BFSP1: variants seen among roughly 807,000 people sequenced by gnomAD.
BFSP1 encodes beaded filament structural protein 1.
Under a neutral mutation model 43.9 loss-of-function variants are expected in BFSP1, and 38 were observed. That is an observed-to-expected ratio of 0.87 (90% CI 0.67 to 1.14). The LOEUF is 1.14. Ranked by LOEUF, BFSP1 falls within the 50% of genes most tolerant of loss-of-function variation. The pLI, the probability that BFSP1 is intolerant of heterozygous loss-of-function variation, is 0.00. For synonymous variants in BFSP1, 352 were observed against 354.8 expected (o/e 0.99, Z 0.09); for missense variants, 850 against 875.1 (o/e 0.97, Z 0.36).
At chr20:17,531,820 C>CT (rs560470133), upstream of BFSP1, among the ~76,000 whole-genome samples, 535 of 148,782 alleles carry the variant, frequency 3.6e-3, 2 homozygotes, top group Middle Eastern at 7.1e-3. Flanking sequence ...TTAAGCAATT[C>CT]TTTTTTTTTT....
At chr20:17,527,903 T>C (rs936634210) in intron 1 of BFSP1, among the ~76,000 whole-genome samples, 12 of 152,212 alleles carry the variant, frequency 7.9e-5, no homozygotes, top group Admixed American at 2.6e-4. Context: ...TCTGTTGTTG[T>C]ATTTTGATAG....
upstream of BFSP1, among the ~76,000 whole-genome samples, chr20:17,562,077 C>T (rs904109157): frequency 3.3e-5 from 5 of 152,006 alleles, no homozygotes; most frequent in South Asian, 6.2e-4. Context: ...CACACTACCA[C>T]ATCTGGCTAA....
rs2033818009 is a variant in BFSP1 at position 17,502,121 on chromosome 20, T to C, written c.736-3081A>G. ...CTCCCAGTTCCTGGTTCCTGATTCCTGATGCACACCTGCTCTCAGATTTCA... is the reference window on the plus strand; with the variant it reads ...CTCCCAGTTCCTGGTTCCTGATTCCCGATGCACACCTGCTCTCAGATTTCA... On this transcript the variant is annotated intron_variant, in intron 5 of 7. Coordinates refer to ENST00000377873, the MANE Select transcript of BFSP1 (RefSeq NM_001195.5). Among the ~76,000 whole-genome samples the C allele has an allele frequency of 3.3e-5, 5 of 152,018 alleles. No individual in the cohort carries two copies. The South Asian group carries it at 1.0e-3, about 32-fold the overall frequency.
chr20:17,520,793 C>A (rs1000657041), intron 2 of BFSP1, among the ~76,000 whole-genome samples: 1 of 152,206 alleles, frequency 6.6e-6, no homozygotes, highest in African/African-American at 2.4e-5. Flanking sequence ...CAGAGGAATT[C>A]TTGGCATACA....
upstream of BFSP1, among the ~76,000 whole-genome samples, chr20:17,533,207 A>G (rs2034576348): frequency 6.6e-6 from 1 of 152,142 alleles, no homozygotes; most frequent in Non-Finnish European, 1.5e-5. Flanking sequence ...AAATAAAAAT[A>G]ATAAATAAAA....
chr20:17,501,947 G>C (rs1199108790), intron 5 of BFSP1, among the ~76,000 whole-genome samples: 3 of 152,232 alleles, frequency 2.0e-5, no homozygotes, highest in Non-Finnish European at 2.9e-5. Flanking sequence ...CTCTGGAGTG[G>C]CGAGCTTTCA....
intron 5 of BFSP1, among the ~76,000 whole-genome samples, chr20:17,503,732 C>T (rs932926071): frequency 3.3e-5 from 5 of 152,226 alleles, no homozygotes; most frequent in African/African-American, 7.2e-5. Flanking sequence ...CAAGCACACA[C>T]GTGCGTGCAC....
intron 1 of BFSP1, among the ~76,000 whole-genome samples, chr20:17,526,220 T>C (rs2034420825): frequency 6.9e-6 from 1 of 145,174 alleles, no homozygotes; most frequent in Non-Finnish European, 1.5e-5. Context: ...ATATAGTTTG[T>C]GATAGTAAAT....
rs761259481 is a variant in BFSP1 at position 17,498,996 on chromosome 20, A to C, written c.780T>G (p.Tyr260Ter). ...EQAIKSAHEC[Y>*]DDEIQLYNEQ... ...CGTTATAAAGCTGAATCTCATCGTC[A>C]TAACACTCATGGGCACTTTTAATAG... Residue 260 changes from tyrosine to a stop codon, truncating the protein, a stop_gained, in exon 6 of 8, where the codon TAT (tyrosine) becomes TAG (stop). Coordinates refer to ENST00000377873, the MANE Select transcript of BFSP1 (RefSeq NM_001195.5). LOFTEE classifies it high-confidence loss of function. 6.2e-7 allele frequency: 1 copy of C among 1,614,216 alleles called. No individual in the cohort carries two copies. The highest frequency in any genetic ancestry group is 8.5e-7 in the Non-Finnish European group (1 of 1,180,034).
chr20:17,547,392 C>T (rs879161012), intron 1 of BFSP1, among the ~76,000 whole-genome samples: 7 of 152,040 alleles, frequency 4.6e-5, no homozygotes, highest in South Asian at 2.1e-4. Context: ...TGAAATCTCT[C>T]GCTTACTGTT....
At chr20:17,548,537 C>T (rs1327687411) in intron 1 of BFSP1, among the ~76,000 whole-genome samples, 1 of 152,136 alleles carries the variant, frequency 6.6e-6, no homozygotes, top group African/African-American at 2.4e-5. Flanking sequence ...CTCTGGAGGT[C>T]CCAAGATAAC....
At chr20:17,531,503 G>A, upstream of BFSP1, 1 of 968,594 alleles carries the variant, frequency 1.0e-6, no homozygotes, top group Non-Finnish European at 1.3e-6. Context: ...GAAGAAAAGA[G>A]CAGCGGCCCG....
intron 1 of BFSP1, among the ~76,000 whole-genome samples, chr20:17,552,691 C>T (rs2034915089): frequency 1.3e-5 from 2 of 151,968 alleles, no homozygotes; most frequent in East Asian, 1.9e-4. Context: ...AGGGTAGAAC[C>T]AACAGAATGT....
chr20:17,497,063 CA>C (rs1428875202), intron 6 of BFSP1, 40 bp from the exon 7 acceptor site: 31 of 1,434,446 alleles, frequency 2.2e-5, no homozygotes, highest in Admixed American at 5.5e-5. Flanking sequence ...AAACAGAGGT[CA>C]GGGGCAAGAG....
chr20:17,520,235 C>T (rs1480925029), intron 2 of BFSP1, among the ~76,000 whole-genome samples: 1 of 146,948 alleles, frequency 6.8e-6, no homozygotes, highest in Non-Finnish European at 1.5e-5. Context: ...CCACCTTTCA[C>T]CCCAGGTAAC....
At chr20:17,553,638 T>C (rs1291035943) in intron 1 of BFSP1, among the ~76,000 whole-genome samples, 16 of 151,644 alleles carry the variant, frequency 1.1e-4, no homozygotes. Flanking sequence ...AGAAAGAGGA[T>C]AGACAGTGGA....
intron 1 of BFSP1, among the ~76,000 whole-genome samples, chr20:17,545,553 C>G (rs752072790): frequency 6.6e-6 from 1 of 152,186 alleles, no homozygotes. Context: ...GAGCCTAAGA[C>G]AGCCAGAGTG....
intron 1 of BFSP1, among the ~76,000 whole-genome samples, chr20:17,554,258 A>G (rs1393695730): frequency 6.6e-6 from 1 of 152,186 alleles, no homozygotes; most frequent in Admixed American, 6.5e-5. Context: ...CTTGCCTTAT[A>G]TAACTTGTTC....
upstream of BFSP1, among the ~76,000 whole-genome samples, chr20:17,562,301 C>CG (rs34119557): frequency 1 from 151,279 of 151,288 alleles, 75,635 homozygotes; most frequent in Middle Eastern, 1. Context: ...CCAAGGCAGG[C>CG]GGTCACAAGG....
Sources: gnomAD v4.1 joint callset for allele counts (sites outside exome capture counted in the v4.1 genomes callset) on GRCh38, gnomAD v4.1.1 for gene constraint, MANE v1.5 for transcripts, NCBI Gene and HGNC (gene_info 2026-07-23, HGNC 2026-07-21) for gene names.